The following NKAIN2 variants were observed in gnomAD, a reference collection of about 807,000 sequenced individuals.
NKAIN2 encodes the protein sodium/potassium-transporting ATPase subunit beta-1-interacting protein 2.
NKAIN2 carries 14 observed loss-of-function variants against 32.6 expected under a neutral mutation model. The ratio of observed to expected loss-of-function variants is 0.43; its 90% CI spans 0.28 to 0.67. The LOEUF (loss-of-function observed/expected upper bound fraction) is 0.67, where lower values mean the gene tolerates loss of function less well. NKAIN2 is among the 30% of genes least tolerant of loss of function. The pLI is 0.17. For synonymous variants in NKAIN2, 80 were observed against 87.2 expected (o/e 0.92, Z 0.46); for missense variants, 198 against 258.3 (o/e 0.77, Z 1.60).
chr6:123,805,494 GGT>G lies in NKAIN2; in HGVS notation c.54+1243_54+1244del, dbSNP rs1304018557. On this transcript the variant is annotated intron_variant, in intron 1 of 6. Transcript: ENST00000368417. ...TTCTTTCCCCTGAAAGTTATCTGAT[GGT>G]GTCTATTTTGATCTGTGATTTATGC... Among the ~76,000 whole-genome samples, 5 of 152,220 alleles carry G rather than the reference GGT, an allele frequency of 3.3e-5. No homozygotes were observed. In the East Asian group the frequency reaches 7.7e-4, roughly 23 times the overall value.
At chr6:124,284,291 G>GGGC (rs1353656134) in intron 2 of NKAIN2, among the ~76,000 whole-genome samples, 3 of 152,106 alleles carry the variant, frequency 2.0e-5, no homozygotes, top group Non-Finnish European at 4.4e-5. Flanking sequence ...ATACAGTGTA[G>GGGC]GGCGGGTTGT....
chr6:124,260,047 A>G (rs571964068), intron 1 of NKAIN2, among the ~76,000 whole-genome samples: 1 of 152,350 alleles, frequency 6.6e-6, no homozygotes, highest in South Asian at 2.1e-4. Context: ...AGTTAGAATT[A>G]GAACTGCATC....
intron 3 of NKAIN2, among the ~76,000 whole-genome samples, chr6:124,463,052 A>T (rs780618056): frequency 2.6e-5 from 4 of 152,042 alleles, no homozygotes; most frequent in Non-Finnish European, 5.9e-5. Context: ...CAGACAAGAA[A>T]ATTGAAACAA....
chr6:124,515,441 A>G (rs2114782675), intron 3 of NKAIN2, among the ~76,000 whole-genome samples: 1 of 152,070 alleles, frequency 6.6e-6, no homozygotes, highest in Admixed American at 6.5e-5. Context: ...GTGTGTGCAG[A>G]GATCACATGG....
At chr6:124,412,979 C>T (rs777680027) in intron 3 of NKAIN2, among the ~76,000 whole-genome samples, 1 of 152,152 alleles carries the variant, frequency 6.6e-6, no homozygotes, top group Non-Finnish European at 1.5e-5. Context: ...GAGCCAGGTG[C>T]AGGAGATAAT....
chr6:124,558,412 T>A (rs1319316113), intron 3 of NKAIN2, among the ~76,000 whole-genome samples: 2 of 152,144 alleles, frequency 1.3e-5, no homozygotes, highest in Non-Finnish European at 2.9e-5. Flanking sequence ...CTACTCCATT[T>A]TTTTTCATCG....
intron 2 of NKAIN2, among the ~76,000 whole-genome samples, chr6:124,299,246 G>C (rs769506042): frequency 1.3e-5 from 2 of 152,104 alleles, no homozygotes; most frequent in Non-Finnish European, 2.9e-5. Flanking sequence ...ACACATATGA[G>C]GAAACTGCAG....
chr6:124,352,692 C>T (rs188239520), intron 2 of NKAIN2, among the ~76,000 whole-genome samples: 5 of 152,228 alleles, frequency 3.3e-5, no homozygotes, highest in Admixed American at 1.3e-4. Flanking sequence ...TCATTGTGCA[C>T]AAAGGAAGTG....
At chr6:124,398,771 G>T (rs923230319) in intron 3 of NKAIN2, among the ~76,000 whole-genome samples, 3 of 152,152 alleles carry the variant, frequency 2.0e-5, no homozygotes, top group African/African-American at 7.2e-5. Context: ...TGATTAGTCA[G>T]AAATTAAGTA....
chr6:124,565,951 C>A (rs750270689), intron 3 of NKAIN2, among the ~76,000 whole-genome samples: 1 of 152,148 alleles, frequency 6.6e-6, no homozygotes, highest in African/African-American at 2.4e-5. Flanking sequence ...CAATACTAAA[C>A]GTAGATTTGC....
chr6:123,920,964 C>T (rs1023175258), intron 1 of NKAIN2, among the ~76,000 whole-genome samples: 1 of 152,134 alleles, frequency 6.6e-6, no homozygotes, highest in Non-Finnish European at 1.5e-5. Flanking sequence ...TTTTCCACTC[C>T]TGTTCACCAG....
intron 3 of NKAIN2, among the ~76,000 whole-genome samples, chr6:124,648,582 A>C (rs1316565467): frequency 1.3e-5 from 2 of 152,160 alleles, no homozygotes; most frequent in African/African-American, 4.8e-5. Flanking sequence ...GTGGAGGCCT[A>C]CATTAAATTA....
chr6:124,457,648 C>T (rs748996085), intron 3 of NKAIN2, among the ~76,000 whole-genome samples: 1 of 151,926 alleles, frequency 6.6e-6, no homozygotes, highest in Non-Finnish European at 1.5e-5. Flanking sequence ...ATAAACAGAA[C>T]TTGATTTCTG....
chr6:124,233,685 A>G (rs1792582520), intron 1 of NKAIN2, among the ~76,000 whole-genome samples: 1 of 152,164 alleles, frequency 6.6e-6, no homozygotes, highest in Non-Finnish European at 1.5e-5. Flanking sequence ...TTATGCTTTC[A>G]GGACCTTTGT....
intron 2 of NKAIN2, among the ~76,000 whole-genome samples, chr6:124,336,407 G>A (rs1797859000): frequency 6.6e-6 from 1 of 152,136 alleles, no homozygotes; most frequent in Non-Finnish European, 1.5e-5. Flanking sequence ...CTTCCTGGAA[G>A]AACAGAGTGT....
chr6:124,420,108 AAAATC>A (rs1360333730), intron 3 of NKAIN2, among the ~76,000 whole-genome samples: 1 of 152,196 alleles, frequency 6.6e-6, no homozygotes, highest in African/African-American at 2.4e-5. Context: ...ATGGAAAAGA[AAAATC>A]AAACAATAAC....
At chr6:124,398,140 C>G (rs1428441000) in intron 3 of NKAIN2, among the ~76,000 whole-genome samples, 1 of 150,542 alleles carries the variant, frequency 6.6e-6, no homozygotes, top group Non-Finnish European at 1.5e-5. Flanking sequence ...GTAGTCCCAG[C>G]TACTCGGGAG....
At chr6:124,380,718 A>G (rs1772598266) in intron 3 of NKAIN2, among the ~76,000 whole-genome samples, 1 of 152,220 alleles carries the variant, frequency 6.6e-6, no homozygotes, top group Admixed American at 6.5e-5. Context: ...AGCAGATGTG[A>G]CTTTTTGATA....
At chr6:124,192,115 C>A (rs1414665358) in intron 1 of NKAIN2, among the ~76,000 whole-genome samples, 1 of 151,978 alleles carries the variant, frequency 6.6e-6, no homozygotes, top group Non-Finnish European at 1.5e-5. Flanking sequence ...GCTGTTGAAT[C>A]ATTTCTTTTT....
Sources: allele counts gnomAD v4.1 joint callset (sites outside exome capture counted in the v4.1 genomes callset), GRCh38; gene constraint gnomAD v4.1.1; transcripts MANE v1.5; gene names NCBI Gene and HGNC (gene_info 2026-07-23, HGNC 2026-07-21).